Variants in ABLIM1 observed in about 807,000 individuals in gnomAD.
The protein encoded by ABLIM1 is actin-binding LIM protein 1.
ABLIM1 carries 40 observed loss-of-function variants against 107.0 expected under a neutral mutation model. The ratio of observed to expected loss-of-function variants is 0.37; its 90% CI spans 0.29 to 0.49. The LOEUF is 0.49. Among genes scored for constraint, ABLIM1 ranks in the 20% least tolerant of loss-of-function variants. The pLI, the probability that ABLIM1 is intolerant of heterozygous loss-of-function variation, is 0.97. For missense variants in ABLIM1, 857 were observed against 1,008.5 expected, an observed-to-expected ratio of 0.85 and a Z score of 2.04; for synonymous variants, 357 against 357.3, an observed-to-expected ratio of 1.00 and a Z score of 0.01.
At chr10:114,754,078 C>T (rs1198322105) in intron 1 of ABLIM1, among the ~76,000 whole-genome samples, 1 of 152,168 alleles carries the variant, frequency 6.6e-6, no homozygotes, top group African/African-American at 2.4e-5. Flanking sequence ...TCTCAAACTC[C>T]TGACCTCAAG....
chr10:114,631,218 T>C (rs1393291216), intron 1 of ABLIM1, among the ~76,000 whole-genome samples: 1 of 152,230 alleles, frequency 6.6e-6, no homozygotes, highest in Non-Finnish European at 1.5e-5. Flanking sequence ...CATTCAATTC[T>C]GAAAAATGTA....
the ABLIM1 span, among the ~76,000 whole-genome samples, chr10:114,785,975 C>T: frequency 2.0e-5 from 3 of 152,184 alleles, no homozygotes; most frequent in African/African-American, 4.8e-5. Context: ...GTGATCCACC[C>T]GCCTTAGCCT....
At chr10:114,604,180 A>G (rs559219558) in intron 1 of ABLIM1, among the ~76,000 whole-genome samples, 1 of 152,284 alleles carries the variant, frequency 6.6e-6, no homozygotes, top group South Asian at 2.1e-4. Context: ...CAGTTGACAG[A>G]TAAGGAAACA....
At chr10:114,438,549 C>T (rs1363595013) in intron 21 of ABLIM1, among the ~76,000 whole-genome samples, 1 of 152,220 alleles carries the variant, frequency 6.6e-6, no homozygotes, top group East Asian at 1.9e-4. Context: ...GCGTAAGCCA[C>T]TGTGCCCAGC....
At chr10:114,524,092 A>G (rs2064223079) in intron 6 of ABLIM1, among the ~76,000 whole-genome samples, 1 of 152,212 alleles carries the variant, frequency 6.6e-6, no homozygotes, top group Admixed American at 6.5e-5. Flanking sequence ...ATAGACTTCA[A>G]TAAGTCAAGG....
At chr10:114,704,151 A>G (rs2081358252) in intron 1 of ABLIM1, among the ~76,000 whole-genome samples, 3 of 151,580 alleles carry the variant, frequency 2.0e-5, no homozygotes, top group Non-Finnish European at 2.9e-5. Context: ...CAGAGAACCT[A>G]TGTCTAAATT....
At chr10:114,769,413 AGAAAAGAAG>A (rs1368763349), upstream of ABLIM1, among the ~76,000 whole-genome samples, 5 of 75,590 alleles carry the variant, frequency 6.6e-5, no homozygotes, top group African/African-American at 1.8e-4. Context: ...AAAGAAAGAA[AGAAAAGAAG>A]GAAAGAAAGA....
intron 1 of ABLIM1, among the ~76,000 whole-genome samples, chr10:114,738,873 C>T (rs1275956199): frequency 6.6e-6 from 1 of 151,978 alleles, no homozygotes; most frequent in African/African-American, 2.4e-5. Context: ...CAAGGACATG[C>T]TCTATTTAAG....
chr10:114,603,613 C>T (rs1203974157), intron 1 of ABLIM1, among the ~76,000 whole-genome samples: 1 of 150,238 alleles, frequency 6.7e-6, no homozygotes, highest in Non-Finnish European at 1.5e-5. Flanking sequence ...TGTATGAAGG[C>T]CAAAAAACCT....
intron 1 of ABLIM1, among the ~76,000 whole-genome samples, chr10:114,638,622 TACACACACACACAC>T (rs59605861): frequency 0.028 from 4,039 of 143,700 alleles, 172 homozygotes; most frequent in African/African-American, 0.095. Context: ...ATGCCCTGCC[TACACACACACACAC>T]ACACACACAC....
intron 1 of ABLIM1, among the ~76,000 whole-genome samples, chr10:114,717,887 G>C (rs749797780): frequency 6.1e-5 from 9 of 148,544 alleles, no homozygotes; most frequent in Non-Finnish European, 1.2e-4. Flanking sequence ...ACTCCAGCCT[G>C]GGTGACAGAG....
At chr10:114,800,575 A>G in the ABLIM1 span, among the ~76,000 whole-genome samples, 1 of 152,218 alleles carries the variant, frequency 6.6e-6, no homozygotes. Flanking sequence ...ATACCTGAAT[A>G]CAGTTGACCC....
intron 8 of ABLIM1, among the ~76,000 whole-genome samples, chr10:114,477,108 G>A (rs1185683413): frequency 6.6e-6 from 1 of 152,150 alleles, no homozygotes; most frequent in Non-Finnish European, 1.5e-5. Flanking sequence ...TTTGAACTCA[G>A]ACACTCTAGG....
chr10:114,620,001 A>G (rs1187534806), intron 1 of ABLIM1, among the ~76,000 whole-genome samples: 1 of 152,208 alleles, frequency 6.6e-6, no homozygotes, highest in African/African-American at 2.4e-5. Flanking sequence ...TAACCCAAAC[A>G]TACCTATTAT....
At chr10:114,720,143 A>G (rs1173134032) in intron 1 of ABLIM1, among the ~76,000 whole-genome samples, 1 of 152,084 alleles carries the variant, frequency 6.6e-6, no homozygotes, top group Admixed American at 6.5e-5. Context: ...CTGTTCCTGC[A>G]TCAGTTTGCT....
At chr10:114,711,084 T>C (rs2081538476) in intron 1 of ABLIM1, among the ~76,000 whole-genome samples, 1 of 152,248 alleles carries the variant, frequency 6.6e-6, no homozygotes, top group African/African-American at 2.4e-5. Flanking sequence ...CTGTTGTCCC[T>C]GTATGTCTTC....
intron 1 of ABLIM1, among the ~76,000 whole-genome samples, chr10:114,663,952 C>T (rs1171199560): frequency 6.6e-6 from 1 of 152,198 alleles, no homozygotes; most frequent in Non-Finnish European, 1.5e-5. Context: ...CTAATGGCAC[C>T]GTTTGAAGTA....
At chr10:114,618,277 T>C (rs1023456014) in intron 1 of ABLIM1, among the ~76,000 whole-genome samples, 16 of 152,240 alleles carry the variant, frequency 1.1e-4, no homozygotes, top group Admixed American at 6.5e-4. Context: ...CAATGGTTTT[T>C]GTTCTCTTAG....
chr10:114,624,044 C>T (rs971648383), intron 1 of ABLIM1, among the ~76,000 whole-genome samples: 1 of 152,162 alleles, frequency 6.6e-6, no homozygotes, highest in Non-Finnish European at 1.5e-5. Flanking sequence ...ATACACAGCT[C>T]CTGCCAGTTT....
Sources: allele counts gnomAD v4.1 joint callset (sites outside exome capture counted in the v4.1 genomes callset), GRCh38; gene constraint gnomAD v4.1.1; transcripts MANE v1.5; gene names NCBI Gene and HGNC (gene_info 2026-07-23, HGNC 2026-07-21).